Variants in CNTNAP5 observed in about 807,000 individuals in gnomAD.
The protein encoded by CNTNAP5 is contactin-associated protein-like 5.
Under a neutral mutation model 150.2 loss-of-function variants are expected in CNTNAP5, and 72 were observed. The ratio of observed to expected loss-of-function variants is 0.48; its 90% CI spans 0.40 to 0.58. The LOEUF (loss-of-function observed/expected upper bound fraction) is 0.58. Ranked by LOEUF, CNTNAP5 falls within the 20% of genes least tolerant of loss-of-function variation. CNTNAP5 has a pLI of 0.00. For synonymous variants in CNTNAP5, 672 were observed against 619.8 expected (o/e 1.08, Z -1.25); for missense variants, 1,636 against 1,626.2 (o/e 1.01, Z -0.10).
At chr2:124,906,195 C>T (rs1678532642) in intron 22 of CNTNAP5, among the ~76,000 whole-genome samples, 1 of 152,092 alleles carries the variant, frequency 6.6e-6, no homozygotes, top group South Asian at 2.1e-4. Context: ...ATAGTGTCTT[C>T]ATTCTGATTA....
At chr2:124,765,526 T>C (rs905103342) in intron 16 of CNTNAP5, among the ~76,000 whole-genome samples, 4 of 152,172 alleles carry the variant, frequency 2.6e-5, no homozygotes, top group Non-Finnish European at 4.4e-5. Context: ...TAGAGTTCTA[T>C]GTATTAACTT....
At chr2:124,461,474 C>T (rs1293563779) in intron 6 of CNTNAP5, among the ~76,000 whole-genome samples, 2 of 131,446 alleles carry the variant, frequency 1.5e-5, no homozygotes, top group African/African-American at 5.9e-5. Flanking sequence ...GGGAATTGAA[C>T]AATGAGAACA....
intron 3 of CNTNAP5, among the ~76,000 whole-genome samples, chr2:124,359,534 C>T (rs1690136344): frequency 6.7e-6 from 1 of 149,384 alleles, no homozygotes; most frequent in Non-Finnish European, 1.5e-5. Flanking sequence ...CAAAGAACAT[C>T]TTTATTTCTG....
At chr2:124,362,849 G>A (rs367676787) in intron 3 of CNTNAP5, among the ~76,000 whole-genome samples, 12 of 152,182 alleles carry the variant, frequency 7.9e-5, no homozygotes, top group East Asian at 1.9e-4. Flanking sequence ...ATAAGTAATC[G>A]ACTACATTCT....
intron 1 of CNTNAP5, among the ~76,000 whole-genome samples, chr2:124,119,403 G>T (rs1683507376): frequency 6.8e-6 from 1 of 147,326 alleles, no homozygotes; most frequent in African/African-American, 2.5e-5. Context: ...TTGATCCTTA[G>T]AGCAATTCAT....
intron 1 of CNTNAP5, among the ~76,000 whole-genome samples, chr2:124,026,633 T>C (rs1168015408): frequency 6.6e-6 from 1 of 152,196 alleles, no homozygotes; most frequent in Non-Finnish European, 1.5e-5. Flanking sequence ...ACTTCCTAAA[T>C]GAGAAAGAAT....
intron 1 of CNTNAP5, among the ~76,000 whole-genome samples, chr2:124,051,386 T>C (rs1267639651): frequency 1.3e-5 from 2 of 152,192 alleles, no homozygotes; most frequent in African/African-American, 4.8e-5. Flanking sequence ...TGCTGCTGTT[T>C]ACCTCTAAGG....
chr2:124,126,971 C>A (rs1396808107), intron 1 of CNTNAP5, among the ~76,000 whole-genome samples: 3 of 152,164 alleles, frequency 2.0e-5, no homozygotes, highest in East Asian at 1.9e-4. Flanking sequence ...TGGGCAAAAA[C>A]TGGGAGCATT....
At chr2:124,774,868 A>T (rs944851435) in intron 17 of CNTNAP5, among the ~76,000 whole-genome samples, 1 of 152,204 alleles carries the variant, frequency 6.6e-6, no homozygotes, top group Non-Finnish European at 1.5e-5. Context: ...GCAAGTCAAA[A>T]GGGAAAGGCG....
intron 19 of CNTNAP5, among the ~76,000 whole-genome samples, chr2:124,845,339 C>T (rs1683026724): frequency 6.6e-6 from 1 of 151,852 alleles, no homozygotes; most frequent in Admixed American, 6.6e-5. Context: ...TCTACTTGAT[C>T]ATGGTGGATT....
chr2:124,747,333 A>C lies in CNTNAP5; in HGVS notation c.2182A>C (p.Ser728Arg). 1 of 1,613,816 alleles carries C rather than the reference A, an allele frequency of 6.2e-7. No individual in the cohort carries two copies. Among genetic ancestry groups the C allele is most frequent in the African/African-American group, 1.3e-5 (1 of 75,018 alleles). ...VQQCECGLDESCLDIQHFCNC... is the reference protein window; with the variant it reads ...VQQCECGLDERCLDIQHFCNC... ...GCAGTGTGAGTGTGGCCTAGACGAG[A>C]GCTGCCTGGACATTCAGCACTTTTG... The change falls in exon 14 of 24, where the codon AGC becomes CGC. Residue 728 changes from serine to arginine, a missense_variant. By Grantham distance (110) the Ser-to-Arg change is moderately radical (BLOSUM62 -1). Coordinates refer to ENST00000682447, the MANE Select transcript of CNTNAP5 (RefSeq NM_001367498.1).
intron 13 of CNTNAP5, among the ~76,000 whole-genome samples, chr2:124,738,195 G>T (rs1312706051): frequency 6.6e-6 from 1 of 152,070 alleles, no homozygotes; most frequent in Non-Finnish European, 1.5e-5. Flanking sequence ...CACAATAGAG[G>T]TTTCTTTATT....
intron 14 of CNTNAP5, among the ~76,000 whole-genome samples, chr2:124,747,850 G>T (rs1680642998): frequency 7.4e-6 from 1 of 135,492 alleles, no homozygotes; most frequent in Admixed American, 8.2e-5. Context: ...TGTTGGCCAG[G>T]ATGGTCTTGA....
At chr2:124,529,801 T>C (rs1255193439) in intron 10 of CNTNAP5, among the ~76,000 whole-genome samples, 1 of 152,144 alleles carries the variant, frequency 6.6e-6, no homozygotes, top group Non-Finnish European at 1.5e-5. Flanking sequence ...AATCTCTTCT[T>C]ACTCTGAGAC....
At chr2:124,568,499 A>G (rs1359946594) in intron 11 of CNTNAP5, among the ~76,000 whole-genome samples, 1 of 152,242 alleles carries the variant, frequency 6.6e-6, no homozygotes, top group Non-Finnish European at 1.5e-5. Context: ...TTTCCCCTAG[A>G]GAATACTGAA....
chr2:124,917,249 A>G lies in CNTNAP5; in HGVS notation c.*2961A>G, dbSNP rs139309352. ...TGTTTACAAAAAGATCTTATGGAATATGGATCACTTTACAGTAAAGCCAAA... is the reference window on the plus strand; with the variant it reads ...TGTTTACAAAAAGATCTTATGGAATGTGGATCACTTTACAGTAAAGCCAAA... On this transcript the variant is annotated 3_prime_UTR_variant, in exon 24 of 24. Transcript: ENST00000682447. Among the ~76,000 whole-genome samples the G allele has an allele frequency of 2.0e-5, 3 of 152,190 alleles. No individual in the cohort carries two copies. The East Asian group carries it at 5.8e-4, about 30-fold the overall frequency.
At chr2:124,886,882 T>C (rs1001447024) in intron 21 of CNTNAP5, among the ~76,000 whole-genome samples, 1 of 152,074 alleles carries the variant, frequency 6.6e-6, no homozygotes, top group African/African-American at 2.4e-5. Flanking sequence ...GCTCCTTTCA[T>C]TGACTGCTGG....
At chr2:124,031,675 G>T (rs573459406) in intron 1 of CNTNAP5, among the ~76,000 whole-genome samples, 1 of 152,078 alleles carries the variant, frequency 6.6e-6, no homozygotes, top group Non-Finnish European at 1.5e-5. Flanking sequence ...TCAAGTTGGA[G>T]CCAATTTTAT....
At chr2:124,458,296 TATA>T (rs1693169333) in intron 6 of CNTNAP5, among the ~76,000 whole-genome samples, 2 of 412 alleles carry the variant, frequency 4.9e-3, no homozygotes, top group East Asian at 0.17. Flanking sequence ...TAATATTTTA[TATA>T]TATATATATA....
Sources: allele counts gnomAD v4.1 joint callset (sites outside exome capture counted in the v4.1 genomes callset), GRCh38; gene constraint gnomAD v4.1.1; transcripts MANE v1.5; gene names NCBI Gene and HGNC (gene_info 2026-07-23, HGNC 2026-07-21).